The following NT5DC3 variants were observed in gnomAD, a reference collection of about 807,000 sequenced individuals.
The protein encoded by NT5DC3 is 5'-nucleotidase domain containing 3.
Under a neutral mutation model 67.8 loss-of-function variants are expected in NT5DC3, and 42 were observed. The observed-to-expected ratio is 0.62, with a 90% CI of 0.48 to 0.80. The LOEUF (loss-of-function observed/expected upper bound fraction) is 0.80, where lower values mean the gene tolerates loss of function less well. NT5DC3 is among the 30% of genes least tolerant of loss of function. The probability of loss-of-function intolerance (pLI) is 0.00; values close to 1 mark genes in which losing one functional copy is unlikely to be tolerated. For missense variants in NT5DC3, 570 were observed against 696.4 expected (o/e 0.82, Z 2.04); for synonymous variants, 237 against 255.6 (o/e 0.93, Z 0.69).
chr12:103,835,632 TTAA>T (rs1888113260), intron 1 of NT5DC3, among the ~76,000 whole-genome samples: 2 of 152,170 alleles, frequency 1.3e-5, no homozygotes, highest in Admixed American at 1.3e-4. Context: ...TATTTCATAA[TTAA>T]TAATAATAGC....
the NT5DC3 span, chr12:103,763,651 C>T: frequency 1.3e-6 from 2 of 1,534,218 alleles, no homozygotes; most frequent in Non-Finnish European, 1.8e-6. Flanking sequence ...CCTTGGGGTA[C>T]AGGGGAATGA....
chr12:103,812,570 T>TCATGAATATTTTATTTG (rs1887080714), intron 2 of NT5DC3, among the ~76,000 whole-genome samples: 1 of 152,214 alleles, frequency 6.6e-6, no homozygotes, highest in African/African-American at 2.4e-5. Context: ...TTTTTTATTT[T>TCATGAATATTTTATTTG]CATGAATATT....
At chr12:103,759,209 C>T in the NT5DC3 span, 14 of 1,614,082 alleles carry the variant, frequency 8.7e-6, no homozygotes, top group Non-Finnish European at 1.2e-5. Flanking sequence ...GTCAATGGCA[C>T]CACCCTGCAA....
rs1219908129 is a variant in NT5DC3, at chr12:103,840,990, T to C, written c.167A>G (p.Tyr56Cys). 1.5e-6 allele frequency: 2 copies of C among 1,324,006 alleles called. No individual in the cohort carries two copies. The highest frequency in any genetic ancestry group is 3.1e-5 in the African/African-American group (2 of 64,946). The allele number at this position is 1,324,006 out of a possible 1,614,324, so 82.0% of individuals were successfully genotyped here. Residue 56 changes from tyrosine (Y) to cysteine (C), a missense_variant, in exon 1 of 14, where the codon TAC becomes TGC. By Grantham distance (194) the Tyr-to-Cys change is radical. Around this residue, in one of 2 missense-constraint regions of NT5DC3, gnomAD observed 104 missense variants for 88.4 expected, o/e 1.18. Coordinates refer to ENST00000392876, the MANE Select transcript of NT5DC3 (RefSeq NM_001031701.3). ...APGTAPDMKR[Y>C]LWERYREAKR... ...CGCCTCCCGGTAGCGCTCCCACAGG[T>C]AGCGCTTCATGTCCGGGGCGGTCCC...
the NT5DC3 span, among the ~76,000 whole-genome samples, chr12:103,759,449 C>T: frequency 2.4e-4 from 36 of 152,338 alleles, no homozygotes; most frequent in African/African-American, 7.9e-4. Flanking sequence ...TGGGCAGCCC[C>T]TACCCCTTGG....
At position 103,841,042 on chromosome 12, in the gene NT5DC3, G is replaced by C. The variant is rs754462209; in HGVS notation, c.115C>G (p.Pro39Ala). 7.9e-7 allele frequency: 1 copy of C among 1,264,654 alleles called. No individual in the cohort carries two copies. The allele number at this position is 1,264,654 out of a possible 1,614,324, so 78.3% of individuals were successfully genotyped here. The stretch of plus-strand genomic sequence containing the variant: ...GGTGCAGTGCACAAGGGCCGGGCGG[G>C]GCCCGCACACGGCCGCCCCCGAGCC... ...TAARGRPCAG[P>A]ARPLCTAPGT... is the part of the protein sequence containing the mutation. The change falls in exon 1 of 14, where the codon CCC becomes GCC. Residue 39 changes from proline (P) to alanine (A), a missense_variant. By Grantham distance (27) the Pro-to-Ala change is conservative. This residue lies in a region of NT5DC3 where 104 missense variants were observed against 88.4 expected (regional missense o/e 1.18). Transcript: ENST00000392876.
In NT5DC3 at chr12:103,793,442, C is replaced by T. The variant is rs866004689; in HGVS notation, c.885G>A (p.Met295Ile). 4 of 1,614,192 alleles carry T rather than the reference C, an allele frequency of 2.5e-6. No individual in the cohort carries two copies. The East Asian group carries it at 8.9e-5, about 36-fold the overall frequency. Residue 295 changes from methionine (M) to isoleucine (I), a missense_variant, in exon 8 of 14, where the codon ATG becomes ATA. Met to Ile is a conservative substitution (Grantham distance 10). Coordinates refer to ENST00000392876, the MANE Select transcript of NT5DC3 (RefSeq NM_001031701.3). ...LAKLADHGKK[M>I]FLITNSPSSF... is the part of the protein sequence containing the mutation. The stretch of plus-strand genomic sequence containing the variant: ...TACTGGGGCTATTGGTGATGAGAAA[C>T]ATCTTCTTGCCATGATCAGCCAGTT...
chr12:103,830,869 C>T (rs1474782191), intron 1 of NT5DC3, among the ~76,000 whole-genome samples: 1 of 152,154 alleles, frequency 6.6e-6, no homozygotes, highest in Non-Finnish European at 1.5e-5. Flanking sequence ...AAGTCCTATT[C>T]ATATTAATTG....
chr12:103,833,108 G>A (rs1213867562), intron 1 of NT5DC3, among the ~76,000 whole-genome samples: 4 of 152,060 alleles, frequency 2.6e-5, no homozygotes, highest in Non-Finnish European at 5.9e-5. Context: ...AGTATATTCT[G>A]TCAAGCCTCA....
At chr12:103,758,424 G>C in the NT5DC3 span, 1 of 1,443,552 alleles carries the variant, frequency 6.9e-7, no homozygotes, top group South Asian at 1.3e-5. Context: ...AGATCAGTTG[G>C]CCACTCCCTT....
chr12:103,823,160 G>C (rs1207327920), intron 1 of NT5DC3, among the ~76,000 whole-genome samples: 1 of 151,074 alleles, frequency 6.6e-6, no homozygotes, highest in Non-Finnish European at 1.5e-5. Flanking sequence ...AGAATATACA[G>C]ATCAGGAGTC....
At chr12:103,778,184 AGG>A in intron 13 of NT5DC3, 103 bp from the exon 14 acceptor site, 5 of 1,103,162 alleles carry the variant, frequency 4.5e-6, no homozygotes, top group Non-Finnish European at 5.1e-6. Flanking sequence ...AAAAAAAAAT[AGG>A]ACTCATTTGA....
chr12:103,818,064 C>A (rs1444209119), intron 1 of NT5DC3, among the ~76,000 whole-genome samples: 1 of 152,220 alleles, frequency 6.6e-6, no homozygotes, highest in Admixed American at 6.5e-5. Flanking sequence ...CAAAACCTAA[C>A]AGAAGCTACG....
At chr12:103,755,788 G>A in the NT5DC3 span, 5 of 1,461,354 alleles carry the variant, frequency 3.4e-6, no homozygotes, top group African/African-American at 6.9e-5. Flanking sequence ...TTAGAGGGGT[G>A]AGGCCTTAAG....
At chr12:103,747,611 C>T in the NT5DC3 span, among the ~76,000 whole-genome samples, 1 of 152,176 alleles carries the variant, frequency 6.6e-6, no homozygotes, top group Non-Finnish European at 1.5e-5. Flanking sequence ...GGAATCTCAT[C>T]ATTGGTCATG....
rs1886176874 is a variant in NT5DC3, at chr12:103,793,838, G to A, written c.814+99C>T. Reference sequence around the variant, plus strand: ...CAGGTCCTTACAGAGCACTCATGCAGCCTCTGCTTAGCACCTGGAATGCAA... The same window carrying A: ...CAGGTCCTTACAGAGCACTCATGCAACCTCTGCTTAGCACCTGGAATGCAA... On this transcript the variant is annotated intron_variant, in intron 7 of 13. Coordinates refer to ENST00000392876, the MANE Select transcript of NT5DC3 (RefSeq NM_001031701.3). The A allele has an allele frequency of 7.4e-6, 7 of 952,030 alleles. No homozygotes were observed. In the South Asian group the frequency reaches 8.1e-5, roughly 11 times the overall value. The allele number at this position is 952,030 out of a possible 1,614,324, so 59.0% of individuals were successfully genotyped here. A position where few individuals can be genotyped will look rare whatever the true frequency, so the allele number is the denominator to read the frequency against.
intron 1 of NT5DC3, among the ~76,000 whole-genome samples, chr12:103,839,877 A>C (rs1268070800): frequency 1.3e-5 from 2 of 152,238 alleles, no homozygotes; most frequent in Non-Finnish European, 2.9e-5. Context: ...TGGCCAAAAA[A>C]AATGGAAAAT....
intron 1 of NT5DC3, among the ~76,000 whole-genome samples, chr12:103,816,687 A>G (rs939973536): frequency 1.3e-5 from 2 of 152,224 alleles, no homozygotes; most frequent in African/African-American, 4.8e-5. Flanking sequence ...CTAAGATGTG[A>G]TAGAGGATGT....
At chr12:103,782,372 A>C (rs1885590786) in intron 12 of NT5DC3, among the ~76,000 whole-genome samples, 1 of 141,422 alleles carries the variant, frequency 7.1e-6, no homozygotes, top group African/African-American at 2.5e-5. Flanking sequence ...CCTCAAAAGA[A>C]AAAAAAGAGA....
Sources: allele counts gnomAD v4.1 joint callset (sites outside exome capture counted in the v4.1 genomes callset), GRCh38; gene constraint gnomAD v4.1.1; regional missense constraint gnomAD v4.1.1; transcripts MANE v1.5; gene names NCBI Gene and HGNC (gene_info 2026-07-23, HGNC 2026-07-21).